ANKS1B: variants seen among roughly 807,000 people sequenced by gnomAD.
The protein encoded by ANKS1B is ankyrin repeat and sterile alpha motif domain containing 1B.
A neutral mutation model predicts 148.3 loss-of-function variants in ANKS1B; 36 were observed. The observed-to-expected ratio is 0.24, with a 90% confidence interval of 0.19 to 0.32. The LOEUF (loss-of-function observed/expected upper bound fraction) is 0.32. ANKS1B is among the 10% of genes least tolerant of loss of function. The pLI, the probability that ANKS1B is intolerant of heterozygous loss-of-function variation, is 1.00. For missense variants in ANKS1B, 1,157 were observed against 1,542.6 expected (o/e 0.75, Z 4.19); for synonymous variants, 542 against 560.8 (o/e 0.97, Z 0.47).
intron 25 of ANKS1B, among the ~76,000 whole-genome samples, chr12:98,769,870 C>A (rs980461806): frequency 6.6e-6 from 1 of 152,168 alleles, no homozygotes; most frequent in Admixed American, 6.5e-5. Context: ...AATGCAAACA[C>A]GGTCTAGAGG....
intron 16 of ANKS1B, among the ~76,000 whole-genome samples, chr12:99,067,922 G>C (rs115141444): frequency 2.2e-4 from 34 of 151,986 alleles, no homozygotes; most frequent in African/African-American, 6.8e-4. Flanking sequence ...GTGTTTGTCA[G>C]TCTAGAATTT....
In ANKS1B at chr12:99,399,826, C is replaced by T; in HGVS notation, c.1576-15G>A. 6.2e-7 allele frequency: 1 copy of T among 1,612,414 alleles called. No homozygotes were observed. Among genetic ancestry groups the T allele is most frequent in the Non-Finnish European group, 8.5e-7 (1 of 1,178,634 alleles). ...CGCTGTTTAGGCTAAAATAAATGAG[C>T]ATGACGAGAGTATTAATATGATCAT... is the stretch of plus-strand genomic sequence containing the variant. On this transcript the variant is annotated splice_polypyrimidine_tract_variant and intron_variant, in intron 11 of 26. Transcript: ENST00000683438.
intron 16 of ANKS1B, among the ~76,000 whole-genome samples, chr12:99,056,722 T>C (rs1374106917): frequency 6.6e-6 from 1 of 152,240 alleles, no homozygotes; most frequent in African/African-American, 2.4e-5. Flanking sequence ...AGGCATTCCC[T>C]GAAAATGACC....
intron 12 of ANKS1B, among the ~76,000 whole-genome samples, chr12:99,312,925 A>G (rs756359564): frequency 7.2e-5 from 11 of 152,186 alleles, no homozygotes; most frequent in Non-Finnish European, 5.9e-5. Flanking sequence ...CTAAGATGAG[A>G]GCAGAACTGA....
At chr12:98,743,959 G>A (rs1593251387), downstream of ANKS1B, 5 of 969,224 alleles carry the variant, frequency 5.2e-6, no homozygotes, top group Non-Finnish European at 6.1e-6. Context: ...CTCACAGAAC[G>A]ATGCCAAGCA....
intron 9 of ANKS1B, among the ~76,000 whole-genome samples, chr12:99,527,513 G>A (rs1995991): frequency 0.69 from 104,682 of 152,050 alleles, 36,907 homozygotes; most frequent in African/African-American, 0.85. Context: ...GCTCTCCCCG[G>A]AATTCTTACT....
chr12:99,791,603 A>G lies in ANKS1B; in HGVS notation c.670-9506T>C, dbSNP rs149451040. On this transcript the variant is annotated intron_variant, in intron 4 of 26. Transcript: ENST00000683438. ...TAAAACTAGAAATCAATAACAAGAG[A>G]AATTTTGGAAACTATGCAAACAGAC... 4.3e-4 allele frequency among the ~76,000 whole-genome samples: 66 copies of G among 152,064 alleles called. 3 individuals are homozygous for G. The East Asian group carries it at 8.3e-3, about 19-fold the overall frequency.
intron 17 of ANKS1B, among the ~76,000 whole-genome samples, chr12:99,031,925 C>T (rs1181542028): frequency 6.6e-6 from 1 of 152,170 alleles, no homozygotes; most frequent in Non-Finnish European, 1.5e-5. Context: ...AATGATGAAA[C>T]AGAAATTGGT....
intron 1 of ANKS1B, among the ~76,000 whole-genome samples, chr12:99,950,692 C>T (rs1238888265): frequency 6.6e-6 from 1 of 152,100 alleles, no homozygotes; most frequent in Non-Finnish European, 1.5e-5. Context: ...CATTCAAACA[C>T]ACCAAATACT....
intron 17 of ANKS1B, among the ~76,000 whole-genome samples, chr12:98,991,677 C>A (rs2099926664): frequency 6.6e-6 from 1 of 152,176 alleles, no homozygotes; most frequent in Admixed American, 6.5e-5. Flanking sequence ...GAAGCAGGTA[C>A]AATTAGTTCT....
chr12:99,729,864 A>G (rs1189332120), intron 8 of ANKS1B, among the ~76,000 whole-genome samples: 1 of 152,182 alleles, frequency 6.6e-6, no homozygotes, highest in Admixed American at 6.5e-5. Flanking sequence ...ATTCTCTGTA[A>G]GTAATGAGTA....
intron 19 of ANKS1B, among the ~76,000 whole-genome samples, chr12:98,822,754 C>T (rs1178161849): frequency 6.6e-6 from 1 of 152,154 alleles, no homozygotes; most frequent in African/African-American, 2.4e-5. Flanking sequence ...ACGGGTCTAT[C>T]AGAATCAACT....
At chr12:99,805,742 A>T (rs1370718689) in intron 4 of ANKS1B, among the ~76,000 whole-genome samples, 2 of 152,172 alleles carry the variant, frequency 1.3e-5, no homozygotes, top group Non-Finnish European at 1.5e-5. Flanking sequence ...CTTCCTACAA[A>T]GCTCACCTCA....
intron 4 of ANKS1B, among the ~76,000 whole-genome samples, chr12:99,783,014 C>A (rs1481550204): frequency 6.6e-6 from 1 of 151,928 alleles, no homozygotes; most frequent in African/African-American, 2.4e-5. Context: ...CATGGTGAAA[C>A]CCCATCTCTA....
At chr12:99,703,115 C>G (rs1465598471) in intron 8 of ANKS1B, among the ~76,000 whole-genome samples, 1 of 152,052 alleles carries the variant, frequency 6.6e-6, no homozygotes, top group East Asian at 1.9e-4. Context: ...CTTAAAGTTT[C>G]TTTGGCCATT....
chr12:98,762,850 G>A (rs1004613155), intron 25 of ANKS1B, among the ~76,000 whole-genome samples: 2 of 152,250 alleles, frequency 1.3e-5, no homozygotes, highest in East Asian at 3.8e-4. Flanking sequence ...GTCTCACTGG[G>A]CTTTGCATCT....
chr12:98,846,277 A>G (rs2099468125), intron 17 of ANKS1B, among the ~76,000 whole-genome samples: 1 of 152,226 alleles, frequency 6.6e-6, no homozygotes, highest in Non-Finnish European at 1.5e-5. Flanking sequence ...TGCCTCTTGC[A>G]CTAAAAGCAA....
At chr12:98,970,600 T>C (rs912364612) in intron 17 of ANKS1B, among the ~76,000 whole-genome samples, 9 of 152,242 alleles carry the variant, frequency 5.9e-5, no homozygotes, top group Admixed American at 1.3e-4. Context: ...ATCTAGTTCA[T>C]GTGGATCAAA....
chr12:99,389,008 T>A (rs2093969937), intron 12 of ANKS1B, among the ~76,000 whole-genome samples: 1 of 152,056 alleles, frequency 6.6e-6, no homozygotes, highest in Non-Finnish European at 1.5e-5. Flanking sequence ...CATTGGCTAG[T>A]AGCAAGTTAT....
Sources: allele counts gnomAD v4.1 joint callset (sites outside exome capture counted in the v4.1 genomes callset), GRCh38; gene constraint gnomAD v4.1.1; transcripts MANE v1.5; gene names NCBI Gene and HGNC (gene_info 2026-07-23, HGNC 2026-07-21).